Variants in ANKRD30B observed in about 807,000 individuals in gnomAD.
The protein encoded by ANKRD30B is ankyrin repeat domain-containing protein 30B.
A neutral mutation model predicts 202.2 loss-of-function variants in ANKRD30B; 144 were observed. That is an observed-to-expected ratio of 0.71 (90% CI 0.62 to 0.82). The LOEUF (loss-of-function observed/expected upper bound fraction) is 0.82. ANKRD30B is among the 40% of genes least tolerant of loss of function. The pLI, the probability that ANKRD30B is intolerant of heterozygous loss-of-function variation, is 0.00. For missense variants in ANKRD30B, 1,487 were observed against 1,669.1 expected, an observed-to-expected ratio of 0.89 and a Z score of 1.90; for synonymous variants, 508 against 561.3, an observed-to-expected ratio of 0.91 and a Z score of 1.34.
At chr18:14,817,841 A>G (rs1283351699) in intron 30 of ANKRD30B, among the ~76,000 whole-genome samples, 1 of 152,194 alleles carries the variant, frequency 6.6e-6, no homozygotes, top group Non-Finnish European at 1.5e-5. Flanking sequence ...GTTTTTATTT[A>G]AAGTGTGTTG....
the ANKRD30B span, among the ~76,000 whole-genome samples, chr18:14,875,914 G>A: frequency 2.0e-5 from 3 of 152,280 alleles, no homozygotes. Context: ...CAGGGCTATA[G>A]CAATGTGCTA....
the ANKRD30B span, among the ~76,000 whole-genome samples, chr18:14,891,340 C>G: frequency 6.8e-6 from 1 of 146,276 alleles, no homozygotes; most frequent in Non-Finnish European, 1.5e-5. Context: ...TAATATTTCT[C>G]ATTTGCCTCA....
rs892666549 is a variant in ANKRD30B at position 14,781,288 on chromosome 18, C to CTTTTTTTT, written c.1483-1222_1483-1215dup. On this transcript the variant is annotated intron_variant, in intron 11 of 43. Transcript: ENST00000690538. ...CCGCTTCTACAATGTTCTGAGTATTCTTTTTTTTTTTTTTTTTTTTTTTTG... is the reference window on the plus strand; with the variant it reads ...CCGCTTCTACAATGTTCTGAGTATTCTTTTTTTTTTTTTTTTTTTTTTTTTTTTTTTTG... Among the ~76,000 whole-genome samples, 18 of 85,670 alleles carry CTTTTTTTT rather than the reference C, an allele frequency of 2.1e-4. 1 individual carries two copies. The highest frequency in any genetic ancestry group is 2.9e-4 in the African/African-American group (6 of 21,004). The allele number at this position is 85,670 out of a possible 152,430, so 56.2% of individuals were successfully genotyped here.
chr18:14,769,380 CTT>C lies in ANKRD30B; in HGVS notation c.1256+9_1256+10del, dbSNP rs985273395. ...CTGTAGAGCCTATATTCAGGTAAGA[CTT>C]TGCGGTTTTTTAAAACGAATAGGTT... On this transcript the variant is annotated splice_region_variant and intron_variant, in intron 8 of 43. Coordinates refer to ENST00000690538, the MANE Select transcript of ANKRD30B (RefSeq NM_001367607.2). 3.9e-6 allele frequency: 6 copies of C among 1,543,718 alleles called. No individual in the cohort carries two copies. Among genetic ancestry groups the C allele is most frequent in the African/African-American group, 1.4e-5 (1 of 72,700 alleles).
the ANKRD30B span, among the ~76,000 whole-genome samples, chr18:14,895,205 G>A: frequency 6.7e-6 from 1 of 149,976 alleles, no homozygotes; most frequent in Non-Finnish European, 1.5e-5. Context: ...GGTGATGGGA[G>A]CAATCATACC....
chr18:14,818,763 G>T (rs2144099207), intron 30 of ANKRD30B, among the ~76,000 whole-genome samples: 1 of 152,066 alleles, frequency 6.6e-6, no homozygotes, highest in African/African-American at 2.4e-5. Flanking sequence ...GTCTATCATT[G>T]TTGGATATTT....
At chr18:14,881,373 G>C in the ANKRD30B span, among the ~76,000 whole-genome samples, 9 of 152,022 alleles carry the variant, frequency 5.9e-5, no homozygotes, top group African/African-American at 1.9e-4. Context: ...TGTTTATTTG[G>C]TGTATCACAT....
At chr18:14,796,531 A>G in intron 18 of ANKRD30B, 116 bp downstream of exon 18, 1 of 1,258,210 alleles carries the variant, frequency 7.9e-7, no homozygotes, top group Non-Finnish European at 1.1e-6. Context: ...GGAAAATTTG[A>G]AACAAATAAT....
chr18:14,930,702 G>T, the ANKRD30B span, among the ~76,000 whole-genome samples: 2 of 151,860 alleles, frequency 1.3e-5, no homozygotes, highest in Admixed American at 6.6e-5. Flanking sequence ...AAACAGCATG[G>T]GGTGTCCACA....
the ANKRD30B span, among the ~76,000 whole-genome samples, chr18:14,886,000 A>C: frequency 6.6e-6 from 1 of 152,020 alleles, no homozygotes. Context: ...TCCATTCATA[A>C]ACAAAAGGTG....
chr18:14,882,383 G>A, the ANKRD30B span, among the ~76,000 whole-genome samples: 2,443 of 152,300 alleles, frequency 0.016, 78 homozygotes, highest in African/African-American at 0.057. Context: ...TCAGGAGCAG[G>A]TTATTTAAAT....
chr18:14,858,674 A>G (rs1313895067), downstream of ANKRD30B, among the ~76,000 whole-genome samples: 5 of 142,340 alleles, frequency 3.5e-5, no homozygotes, highest in East Asian at 2.0e-4. Context: ...GGCACTCCTC[A>G]CATCCCAGAC....
intron 36 of ANKRD30B, 49 bp from the exon 37 acceptor site, chr18:14,840,539 T>A (rs1971373754): frequency 9.5e-7 from 1 of 1,051,614 alleles, no homozygotes. Flanking sequence ...AAAAACAAAA[T>A]TAAAAAATAG....
chr18:14,887,760 CA>C, the ANKRD30B span, among the ~76,000 whole-genome samples: 1 of 151,748 alleles, frequency 6.6e-6, no homozygotes, highest in African/African-American at 2.4e-5. Flanking sequence ...ACTTAAATAA[CA>C]AAACAATAAA....
At chr18:14,923,894 T>G in the ANKRD30B span, among the ~76,000 whole-genome samples, 2 of 152,234 alleles carry the variant, frequency 1.3e-5, no homozygotes, top group Non-Finnish European at 2.9e-5. Flanking sequence ...GTACTGGGAC[T>G]GTACTGAGTC....
At chr18:14,794,831 T>C in intron 16 of ANKRD30B, among the ~76,000 whole-genome samples, 1 of 152,178 alleles carries the variant, frequency 6.6e-6, no homozygotes, top group Non-Finnish European at 1.5e-5. Context: ...ACAACATATA[T>C]ACTTGATATG....
At chr18:14,792,471 G>A (rs147432180) in intron 16 of ANKRD30B, among the ~76,000 whole-genome samples, 49 of 152,168 alleles carry the variant, frequency 3.2e-4, no homozygotes, top group African/African-American at 9.4e-4. Context: ...AGAAACAAGA[G>A]CACAAGTCTA....
At chr18:14,827,996 T>C (rs1458929388) in intron 32 of ANKRD30B, among the ~76,000 whole-genome samples, 1 of 152,218 alleles carries the variant, frequency 6.6e-6, no homozygotes, top group Non-Finnish European at 1.5e-5. Flanking sequence ...TTGTAACAAA[T>C]CATCTGAGTC....
At chr18:14,884,783 G>A in the ANKRD30B span, among the ~76,000 whole-genome samples, 1 of 152,082 alleles carries the variant, frequency 6.6e-6, no homozygotes, top group Admixed American at 6.6e-5. Flanking sequence ...ATTATTTCTT[G>A]CTTCCTGTCA....
Sources: allele counts gnomAD v4.1 joint callset (sites outside exome capture counted in the v4.1 genomes callset), GRCh38; gene constraint gnomAD v4.1.1; transcripts MANE v1.5; gene names NCBI Gene and HGNC (gene_info 2026-07-23, HGNC 2026-07-21).